The following PKP4 variants were observed in gnomAD, a reference collection of about 807,000 sequenced individuals.
PKP4 encodes plakophilin 4.
PKP4 carries 90 observed loss-of-function variants against 145.1 expected under a neutral mutation model. That is an observed-to-expected ratio of 0.62 (90% CI 0.52 to 0.74). PKP4 has a LOEUF of 0.74. Among genes scored for constraint, PKP4 ranks in the 30% least tolerant of loss-of-function variants. The pLI is 0.00. For missense variants in PKP4, 1,340 were observed against 1,482.7 expected, an observed-to-expected ratio of 0.90 and a Z score of 1.58; for synonymous variants, 563 against 577.2, an observed-to-expected ratio of 0.98 and a Z score of 0.35.
At chr2:158,512,180 T>G (rs1405531699) in intron 1 of PKP4, among the ~76,000 whole-genome samples, 5 of 152,244 alleles carry the variant, frequency 3.3e-5, no homozygotes, top group Admixed American at 2.6e-4. Flanking sequence ...CTAAGTTATT[T>G]CTATATATCA....
At chr2:158,641,598 C>T (rs2054289057) in intron 10 of PKP4, among the ~76,000 whole-genome samples, 1 of 152,122 alleles carries the variant, frequency 6.6e-6, no homozygotes, top group Non-Finnish European at 1.5e-5. Flanking sequence ...TTCTGACCCA[C>T]TGTGTTATAT....
intron 1 of PKP4, among the ~76,000 whole-genome samples, chr2:158,510,289 T>C (rs1027413849): frequency 3.7e-4 from 56 of 152,362 alleles, no homozygotes; most frequent in African/African-American, 1.3e-3. Context: ...TTTCAACTCC[T>C]CAAATAGTAG....
intron 3 of PKP4, among the ~76,000 whole-genome samples, chr2:158,586,789 T>C (rs1213291917): frequency 6.6e-6 from 1 of 152,208 alleles, no homozygotes; most frequent in African/African-American, 2.4e-5. Context: ...AATTATGATA[T>C]CTCATTGCCA....
chr2:158,658,998 T>C (rs1044162036), intron 12 of PKP4: 1 of 152,362 alleles, frequency 6.6e-6, no homozygotes, highest in African/African-American at 2.4e-5. Flanking sequence ...CGTTTCCTCA[T>C]CTGTAGAATA....
intron 19 of PKP4, among the ~76,000 whole-genome samples, chr2:158,676,285 T>A (rs958745139): frequency 6.6e-6 from 1 of 152,260 alleles, no homozygotes; most frequent in Non-Finnish European, 1.5e-5. Flanking sequence ...AAACTTCTGT[T>A]GGCTGAAGAG....
intron 2 of PKP4, among the ~76,000 whole-genome samples, chr2:158,553,223 C>T (rs1421903079): frequency 6.6e-6 from 1 of 152,096 alleles, no homozygotes; most frequent in Non-Finnish European, 1.5e-5. Flanking sequence ...AAATTCTCAG[C>T]CTATCCAGGT....
At chr2:158,628,368 A>G (rs2053019513) in intron 7 of PKP4, among the ~76,000 whole-genome samples, 1 of 152,322 alleles carries the variant, frequency 6.6e-6, no homozygotes, top group African/African-American at 2.4e-5. Flanking sequence ...CTGTCTACAC[A>G]TATTCATTTT....
At position 158,676,851 on chromosome 2, in the gene PKP4, T is replaced by TA. The variant is rs1158793941; in HGVS notation, c.3243dup (p.Gly1082ArgfsTer26). ...ACAATAGCCAAGGGGATGCCACACA[T>TA]AAAGGCCTGTACCCTGGTAAGACGC... On this transcript the variant is annotated frameshift_variant, in exon 20 of 22. Transcript: ENST00000389759. LOFTEE classifies it high-confidence loss of function. 6.2e-7 allele frequency: 1 copy of TA among 1,614,060 alleles called. No homozygotes were observed. Among genetic ancestry groups the TA allele is most frequent in the Non-Finnish European group, 8.5e-7 (1 of 1,180,014 alleles).
intron 17 of PKP4, 110 bp downstream of exon 17, chr2:158,670,025 T>A: frequency 1.2e-6 from 1 of 861,134 alleles, no homozygotes; most frequent in Non-Finnish European, 1.8e-6. Context: ...ATTTTTGCAT[T>A]TCTTACATGC....
chr2:158,601,727 AACT>A (rs2050247570), intron 3 of PKP4, among the ~76,000 whole-genome samples: 1 of 152,194 alleles, frequency 6.6e-6, no homozygotes, highest in African/African-American at 2.4e-5. Context: ...CTGGAATGTG[AACT>A]ACTGCACCTG....
chr2:158,572,298 T>C (rs148197199), intron 2 of PKP4, among the ~76,000 whole-genome samples: 600 of 152,310 alleles, frequency 3.9e-3, no homozygotes, highest in Non-Finnish European at 6.9e-3. Context: ...ATGAAAGCGC[T>C]ATACTGTAGA....
At chr2:158,631,511 G>T (rs2105913103) in intron 7 of PKP4, among the ~76,000 whole-genome samples, 1 of 152,012 alleles carries the variant, frequency 6.6e-6, no homozygotes, top group Non-Finnish European at 1.5e-5. Context: ...AGACTCCTGA[G>T]TAGCTGGGAT....
At chr2:158,561,661 TC>T (rs2046525786) in intron 2 of PKP4, among the ~76,000 whole-genome samples, 2 of 152,370 alleles carry the variant, frequency 1.3e-5, no homozygotes, top group South Asian at 4.1e-4. Flanking sequence ...CAGGCCGACT[TC>T]CCAGGTTACA....
chr2:158,583,978 G>A (rs796948441), intron 3 of PKP4, among the ~76,000 whole-genome samples: 37 of 152,242 alleles, frequency 2.4e-4, no homozygotes, highest in African/African-American at 8.9e-4. Flanking sequence ...GTCTACAAAT[G>A]GTTTAGCGCC....
intron 9 of PKP4, among the ~76,000 whole-genome samples, chr2:158,639,059 G>A (rs913356293): frequency 5.3e-5 from 8 of 152,122 alleles, no homozygotes; most frequent in Non-Finnish European, 1.2e-4. Flanking sequence ...TACTAATCCT[G>A]AGTTCCTTAT....
At chr2:158,607,918 A>C (rs1438459306) in intron 4 of PKP4, among the ~76,000 whole-genome samples, 1 of 152,218 alleles carries the variant, frequency 6.6e-6, no homozygotes, top group Non-Finnish European at 1.5e-5. Flanking sequence ...TGCCATCTTC[A>C]GGGTTTTTAT....
intron 1 of PKP4, among the ~76,000 whole-genome samples, chr2:158,484,633 G>A (rs866485479): frequency 6.6e-6 from 1 of 152,180 alleles, no homozygotes; most frequent in Non-Finnish European, 1.5e-5. Flanking sequence ...TACCTAAGAG[G>A]CCTCTGGCAT....
chr2:158,612,280 A>G (rs2051217427), intron 4 of PKP4, among the ~76,000 whole-genome samples: 1 of 152,188 alleles, frequency 6.6e-6, no homozygotes, highest in African/African-American at 2.4e-5. Flanking sequence ...TGTGACTTTT[A>G]AGTTTTTCCC....
chr2:158,676,681 ACTGATG>A, intron 19 of PKP4, 52 bp from the exon 20 acceptor site: 1 of 1,603,256 alleles, frequency 6.2e-7, no homozygotes, highest in Admixed American at 1.7e-5. Context: ...TTCCACAGAT[ACTGATG>A]CTGATTTCTC....
Sources: gnomAD v4.1 joint callset for allele counts (sites outside exome capture counted in the v4.1 genomes callset) on GRCh38, gnomAD v4.1.1 for gene constraint, MANE v1.5 for transcripts, NCBI Gene and HGNC (gene_info 2026-07-23, HGNC 2026-07-21) for gene names.